RBBP8NL: variants seen among roughly 807,000 people sequenced by gnomAD.
RBBP8NL encodes the protein RBBP8 N-terminal-like protein.
RBBP8NL carries 59 observed loss-of-function variants against 62.2 expected under a neutral mutation model. That is an observed-to-expected ratio of 0.95 (90% CI 0.77 to 1.18). RBBP8NL has a LOEUF of 1.18. Among genes scored for constraint, RBBP8NL ranks in the 50% most tolerant of loss-of-function variants. The probability of loss-of-function intolerance (pLI) is 0.00; values close to 1 mark genes in which losing one functional copy is unlikely to be tolerated. For missense variants in RBBP8NL, 896 were observed against 899.5 expected (o/e 1.00, Z 0.05); for synonymous variants, 412 against 394.1 (o/e 1.05, Z -0.54).
rs541333631 is a variant in RBBP8NL, at chr20:62,416,637, C to T, written c.313+123G>A. On this transcript the variant is annotated intron_variant, in intron 5 of 13. Transcript: ENST00000252998. Reference sequence around the variant, plus strand: ...TGTCTGTAGATTGGGTTGTGAGGTTCCCCCAGTGGTGTGGGGCCGATCGTC... The same window carrying T: ...TGTCTGTAGATTGGGTTGTGAGGTTTCCCCAGTGGTGTGGGGCCGATCGTC... 1.6e-4 allele frequency: 110 copies of T among 667,578 alleles called. 2 individuals are homozygous for T. In the South Asian group the frequency reaches 1.9e-3, roughly 11 times the overall value. 41.4% of individuals were successfully genotyped at this position (667,578 alleles called of 1,614,324 possible). A position where few individuals can be genotyped will look rare whatever the true frequency, so the allele number is the denominator to read the frequency against.
At chr20:62,417,013 T>C in intron 4 of RBBP8NL, 141 bp from the exon 5 acceptor site, 1 of 744,204 alleles carries the variant, frequency 1.3e-6, no homozygotes, top group Non-Finnish European at 2.2e-6. Flanking sequence ...TCCCACCCCG[T>C]GGGCTAGGTG....
At chr20:62,411,752 A>G (rs1276110513) in intron 13 of RBBP8NL, among the ~76,000 whole-genome samples, 3 of 152,228 alleles carry the variant, frequency 2.0e-5, no homozygotes, top group South Asian at 2.1e-4. Flanking sequence ...TAGGAGCACA[A>G]GGGTGTGCTG....
intron 1 of RBBP8NL, among the ~76,000 whole-genome samples, chr20:62,424,293 C>T (rs1368542431): frequency 7.5e-6 from 1 of 133,954 alleles, no homozygotes; most frequent in East Asian, 2.2e-4. Flanking sequence ...GCAGCTGGGC[C>T]GTGGGGGGGG....
chr20:62,416,275 G>C (rs757254447), intron 5 of RBBP8NL, 39 bp from the exon 6 acceptor site: 5 of 1,368,622 alleles, frequency 3.7e-6, no homozygotes, highest in South Asian at 2.5e-5. Context: ...CCAGGGGTTG[G>C]GGGGGACAGG....
chr20:62,416,282 C>CG, intron 5 of RBBP8NL, 46 bp from the exon 6 acceptor site: 6 of 214,784 alleles, frequency 2.8e-5, no homozygotes, highest in East Asian at 1.1e-4. Context: ...TTGGGGGGGA[C>CG]AGGGGCAGGG....
chr20:62,417,451 T>G (rs930703500), intron 3 of RBBP8NL, 132 bp from the exon 4 acceptor site: 44 of 637,128 alleles, frequency 6.9e-5, no homozygotes, highest in Non-Finnish European at 9.9e-5. Context: ...CCTAACCCGG[T>G]GCCCCCCTCC....
At chr20:62,417,168 T>C (rs2427325) in intron 4 of RBBP8NL, 56 bp downstream of exon 4, 609,695 of 1,346,204 alleles carry the variant, frequency 0.45, 142,915 homozygotes, top group East Asian at 0.67. Context: ...TGTCACCTCC[T>C]CCTCTCCTGA....
At position 62,414,507 on chromosome 20, in the gene RBBP8NL, G is replaced by T; in HGVS notation, c.844C>A (p.Leu282Ile). The T allele has an allele frequency of 1.4e-6, 2 of 1,450,544 alleles. No individual in the cohort carries two copies. The highest frequency in any genetic ancestry group is 1.5e-5 in the South Asian group (1 of 66,578). 89.9% of individuals were successfully genotyped at this position (1,450,544 alleles called of 1,614,324 possible). The change falls in exon 10 of 14, where the codon CTC (leucine) becomes ATC (isoleucine). Residue 282 changes from leucine (L) to isoleucine (I), a missense_variant. Coordinates refer to ENST00000252998, the MANE Select transcript of RBBP8NL (RefSeq NM_080833.3). ...PSAMTHEAPK[L>I]SPKVDRLCLL... is the part of the protein sequence containing the mutation. ...CAGAGCCGGTCCACCTTCGGGGAGAGCTTCGGGGCCTCATGGGTCATGGCG... is the reference window on the plus strand; with the variant it reads ...CAGAGCCGGTCCACCTTCGGGGAGATCTTCGGGGCCTCATGGGTCATGGCG...
chr20:62,414,304 A>G lies in RBBP8NL; in HGVS notation c.1047T>C (p.Leu349=). 6.4e-7 allele frequency: 1 copy of G among 1,569,136 alleles called. No homozygotes were observed. The highest frequency in any genetic ancestry group is 8.6e-7 in the Non-Finnish European group (1 of 1,159,054). The change falls in exon 10 of 14, where the codon CTT becomes CTC. Residue 349 remains leucine, a synonymous_variant. Coordinates refer to ENST00000252998, the MANE Select transcript of RBBP8NL (RefSeq NM_080833.3). ...LPSALAGMQD[L]RLEGALHLLL... is the part of the protein sequence containing the mutation. ...GCAGGTGCAGTGCCCCCTCCAGGCG[A>G]AGGTCCTGCATGCCCGCCAGGGCAC...
In RBBP8NL at chr20:62,419,568, T is replaced by C. The variant is rs770324541; in HGVS notation, c.61+19A>G. On this transcript the variant is annotated intron_variant, in intron 2 of 13. Transcript: ENST00000252998. ...GTGGAGACCCCTCCCTAGCCTGGCA[T>C]CTGTCCCTGGCCCCTCACCCAGGAC... The C allele has an allele frequency of 1.6e-5, 26 of 1,613,086 alleles. No individual in the cohort carries two copies. The highest frequency in any genetic ancestry group is 4.0e-5 in the African/African-American group (3 of 74,892).
At chr20:62,421,186 C>T (rs1988688940) in intron 1 of RBBP8NL, among the ~76,000 whole-genome samples, 1 of 152,262 alleles carries the variant, frequency 6.6e-6, no homozygotes, top group Admixed American at 6.5e-5. Flanking sequence ...GTGGCTTGTG[C>T]TTCACGCGGT....
chr20:62,424,263 C>T (rs578230439), intron 1 of RBBP8NL, among the ~76,000 whole-genome samples: 3 of 151,318 alleles, frequency 2.0e-5, no homozygotes, highest in South Asian at 4.3e-4. Context: ...GCTAGTGAGC[C>T]GCTGTCCCAC....
chr20:62,414,279 G>A lies in RBBP8NL; in HGVS notation c.1072C>T (p.Leu358Phe). ...DLRLEGALHLLLAQQQLRARA... is the reference protein window; with the variant it reads ...DLRLEGALHLFLAQQQLRARA... ...GCCCGCAGCTGCTGCTGGGCCAGGA[G>A]CAGGTGCAGTGCCCCCTCCAGGCGA... Residue 358 changes from leucine (L) to phenylalanine (F), a missense_variant, in exon 10 of 14, where the codon CTC becomes TTC. Physicochemically the swap from Leu to Phe is conservative, Grantham distance 22 (BLOSUM62 0). Coordinates refer to ENST00000252998, the MANE Select transcript of RBBP8NL (RefSeq NM_080833.3). 6.3e-7 allele frequency: 1 copy of A among 1,582,668 alleles called. No individual in the cohort carries two copies. The highest frequency in any genetic ancestry group is 8.6e-7 in the Non-Finnish European group (1 of 1,166,736).
chr20:62,425,824 C>T (rs955585972), intron 1 of RBBP8NL, among the ~76,000 whole-genome samples: 14 of 152,274 alleles, frequency 9.2e-5, no homozygotes, highest in Non-Finnish European at 2.9e-5. Context: ...GTCTGTATGT[C>T]CATCTGACTG....
chr20:62,424,013 C>T (rs1462382860), intron 1 of RBBP8NL, among the ~76,000 whole-genome samples: 5 of 151,310 alleles, frequency 3.3e-5, no homozygotes, highest in Admixed American at 2.6e-4. Flanking sequence ...AGGGTCTCCT[C>T]CAGGCCTGGG....
At position 62,415,208 on chromosome 20, in the gene RBBP8NL, C is replaced by G. The variant is rs550183119; in HGVS notation, c.707G>C (p.Arg236Pro). Residue 236 changes from arginine to proline, a missense_variant, in exon 9 of 14, where the codon CGA (arginine) becomes CCA (proline). Physicochemically the swap from Arg to Pro is moderately radical, Grantham distance 103. Transcript: ENST00000252998. ...TGGGGGCGTCCCATTGGCGGGGCCT[C>G]GGTCGGCAGGGCAAGCCTGGGACCC... ...RPGSQACPADRGPANGTPPPL... is the reference protein window; with the variant it reads ...RPGSQACPADPGPANGTPPPL... 6.6e-7 allele frequency: 1 copy of G among 1,520,062 alleles called. No homozygotes were observed. The highest frequency in any genetic ancestry group is 1.4e-5 in the African/African-American group (1 of 72,888). The allele number at this position is 1,520,062 out of a possible 1,614,324, so 94.2% of individuals were successfully genotyped here.
At position 62,410,577 on chromosome 20, in the gene RBBP8NL, C is replaced by T. The variant is rs549619822; in HGVS notation, c.*301G>A. On this transcript the variant is annotated 3_prime_UTR_variant, in exon 14 of 14. Transcript: ENST00000252998. ...AGAGCATTTCCCAGGTGGGTGGAGA[C>T]GGGGTGAATCGCCAGCCTGAGACCC... 18 of 420,632 alleles carry T rather than the reference C, an allele frequency of 4.3e-5. No individual in the cohort carries two copies. Among genetic ancestry groups the T allele is most frequent in the Middle Eastern group, 6.4e-4 (1 of 1,574 alleles). 26.1% of individuals were successfully genotyped at this position (420,632 alleles called of 1,614,324 possible). A position where few individuals can be genotyped will look rare whatever the true frequency, so the allele number is the denominator to read the frequency against.
chr20:62,416,597 G>A (rs959662260), intron 5 of RBBP8NL, among the ~76,000 whole-genome samples, 163 bp downstream of exon 5: 1 of 152,210 alleles, frequency 6.6e-6, no homozygotes, highest in African/African-American at 2.4e-5. Context: ...GCGCCGGCTG[G>A]GGGCTTTGTG....
intron 1 of RBBP8NL, among the ~76,000 whole-genome samples, chr20:62,426,294 T>G (rs1988807130): frequency 6.6e-6 from 1 of 152,262 alleles, no homozygotes; most frequent in African/African-American, 2.4e-5. Context: ...GCATGGGCAC[T>G]GAAACCATCC....
Sources: allele counts gnomAD v4.1 joint callset (sites outside exome capture counted in the v4.1 genomes callset), GRCh38; gene constraint gnomAD v4.1.1; transcripts MANE v1.5; gene names NCBI Gene and HGNC (gene_info 2026-07-23, HGNC 2026-07-21).